WNT8A: variants seen among roughly 807,000 people sequenced by gnomAD.
WNT8A encodes the protein protein Wnt-8a.
Under a neutral mutation model 20.5 loss-of-function variants are expected in WNT8A, and 14 were observed. That is an observed-to-expected ratio of 0.68 (90% confidence interval 0.45 to 1.07). The LOEUF is 1.07. Ranked by LOEUF, WNT8A falls within the 50% of genes least tolerant of loss-of-function variation. The probability of loss-of-function intolerance (pLI) is 0.00; values close to 1 mark genes in which losing one functional copy is unlikely to be tolerated. For synonymous variants in WNT8A, 167 were observed against 169.2 expected (o/e 0.99, Z 0.10); for missense variants, 397 against 462.9 (o/e 0.86, Z 1.31).
chr5:138,079,290 T>G (rs1581350214), upstream of WNT8A, among the ~76,000 whole-genome samples: 1 of 147,574 alleles, frequency 6.8e-6, no homozygotes, highest in Non-Finnish European at 1.5e-5. Flanking sequence ...TTATATAAAC[T>G]TATAATTATA....
chr5:138,084,194 G>A lies in WNT8A; in HGVS notation c.67G>A (p.Gly23Ser). 6.2e-7 allele frequency: 1 copy of A among 1,614,088 alleles called. No homozygotes were observed. Among genetic ancestry groups the A allele is most frequent in the Non-Finnish European group, 8.5e-7 (1 of 1,180,028 alleles). The change falls in exon 1 of 5, where the codon GGC becomes AGC. Residue 23 changes from glycine (G) to serine (S), a missense_variant. Transcript: ENST00000506684. ...PFPTLTPCQG[G>S]PHCLIPIHLC... is the part of the protein sequence containing the mutation. ...CCCAACCCTCACTCCTTGCCAAGGA[G>A]GCCCCCATTGTCTCATCCCCATTCA...
At chr5:138,081,679 C>A (rs1750515557), upstream of WNT8A, among the ~76,000 whole-genome samples, 1 of 152,034 alleles carries the variant, frequency 6.6e-6, no homozygotes, top group Admixed American at 6.6e-5. Context: ...CACAAGCAAT[C>A]AAAGGAAGAG....
At chr5:138,088,389 C>T (rs961761918) in intron 3 of WNT8A, among the ~76,000 whole-genome samples, 1 of 148,832 alleles carries the variant, frequency 6.7e-6, no homozygotes, top group African/African-American at 2.5e-5. Context: ...TGGAGTCTCG[C>T]TCTGTCGACT....
At chr5:138,081,613 G>A (rs1350116620), upstream of WNT8A, among the ~76,000 whole-genome samples, 1 of 151,966 alleles carries the variant, frequency 6.6e-6, no homozygotes, top group Non-Finnish European at 1.5e-5. Flanking sequence ...TAACTCAGTG[G>A]GCTTTTCTCG....
chr5:138,091,517 C>T lies in WNT8A; in HGVS notation c.*444C>T. Reference sequence around the variant, plus strand: ...CAGACTTCTGAAGAGCAGCCTGTGGCTACAAATCTATGCTGATAAATGAGG... The same window carrying T: ...CAGACTTCTGAAGAGCAGCCTGTGGTTACAAATCTATGCTGATAAATGAGG... On this transcript the variant is annotated 3_prime_UTR_variant, in exon 5 of 5. Transcript: ENST00000506684. 1 of 1,323,336 alleles carries T rather than the reference C, an allele frequency of 7.6e-7. No homozygotes were observed. The highest frequency in any genetic ancestry group is 2.1e-4 in the Middle Eastern group (1 of 4,730). 82.0% of individuals were successfully genotyped at this position (1,323,336 alleles called of 1,614,324 possible). A position where few individuals can be genotyped will look rare whatever the true frequency, so the allele number is the denominator to read the frequency against.
the WNT8A span, among the ~76,000 whole-genome samples, chr5:138,077,794 A>G: frequency 6.6e-6 from 1 of 152,128 alleles, no homozygotes. Context: ...GTCTGATGGG[A>G]GAAACACGTC....
intron 2 of WNT8A, among the ~76,000 whole-genome samples, chr5:138,087,146 C>T (rs1172161359): frequency 6.9e-6 from 1 of 144,992 alleles, no homozygotes; most frequent in Non-Finnish European, 1.5e-5. Context: ...CACCTGAGAT[C>T]AGGAGTTCAA....
upstream of WNT8A, among the ~76,000 whole-genome samples, chr5:138,082,876 A>AAAATAAATAAATAAAT (rs61652264): frequency 6.5e-5 from 9 of 137,770 alleles, no homozygotes; most frequent in South Asian, 4.7e-4. Flanking sequence ...ACTCCATCTC[A>AAAATAAATAAATAAAT]AAATAAATAA....
upstream of WNT8A, among the ~76,000 whole-genome samples, chr5:138,082,876 AAAATAAATAAATAAAT>A (rs61652264): frequency 1.9e-3 from 259 of 137,816 alleles, 2 homozygotes; most frequent in African/African-American, 6.5e-3. Context: ...ACTCCATCTC[AAAATAAATAAATAAAT>A]AAATAAATAA....
chr5:138,080,343 G>A (rs1257661783), upstream of WNT8A, among the ~76,000 whole-genome samples: 7 of 137,690 alleles, frequency 5.1e-5, no homozygotes, highest in Non-Finnish European at 9.3e-5. Flanking sequence ...ACAAAAAACC[G>A]CACACACAAA....
At chr5:138,089,302 CT>C (rs768080837) in intron 4 of WNT8A, among the ~76,000 whole-genome samples, 57 of 152,218 alleles carry the variant, frequency 3.7e-4, no homozygotes, top group Non-Finnish European at 7.1e-4. Context: ...ACTGAGTCCT[CT>C]TGTCATTGTA....
chr5:138,089,923 A>G (rs1305180626), intron 4 of WNT8A, among the ~76,000 whole-genome samples: 1 of 152,178 alleles, frequency 6.6e-6, no homozygotes, highest in East Asian at 1.9e-4. Context: ...CAGCCTCCCA[A>G]CGTCTTGGAA....
At chr5:138,084,771 C>G (rs1369587551) in intron 2 of WNT8A, 135 bp downstream of exon 2, 1 of 1,236,532 alleles carries the variant, frequency 8.1e-7, no homozygotes, top group African/African-American at 1.5e-5. Flanking sequence ...CCTGCCATTT[C>G]CTTGCTGTGT....
intron 3 of WNT8A, among the ~76,000 whole-genome samples, chr5:138,088,458 G>A (rs1234810230): frequency 6.6e-6 from 1 of 150,752 alleles, no homozygotes; most frequent in Non-Finnish European, 1.5e-5. Context: ...CCAGGTTCAC[G>A]CCATTCTCCT....
chr5:138,082,916 T>TAAATAAATAAATA (rs1554086966), upstream of WNT8A, among the ~76,000 whole-genome samples: 51 of 142,286 alleles, frequency 3.6e-4, no homozygotes, highest in Non-Finnish European at 4.4e-4. Context: ...AATAAATAAA[T>TAAATAAATAAATA]AAATAAAATA....
upstream of WNT8A, among the ~76,000 whole-genome samples, chr5:138,082,347 A>C (rs1358797171): frequency 1.3e-5 from 2 of 150,820 alleles, no homozygotes; most frequent in Middle Eastern, 3.2e-3. Context: ...AGGAGGCCAA[A>C]GGCGTGTGGA....
At chr5:138,092,256 C>G (rs1750878122), downstream of WNT8A, 1 of 152,184 alleles carries the variant, frequency 6.6e-6, no homozygotes. Context: ...TATGCAACTC[C>G]CTTGATTTCA....
Position 138,090,651 on chromosome 5 carries a change from T to C in WNT8A, c.688T>C (p.Tyr230His), listed in dbSNP as rs1750814896. 1.2e-6 allele frequency: 2 copies of C among 1,614,188 alleles called. No individual in the cohort carries two copies. Among genetic ancestry groups the C allele is most frequent in the African/African-American group, 2.7e-5 (2 of 75,052 alleles). The stretch of plus-strand genomic sequence containing the variant: ...GATGGGAGACTACCTAAAGGCCAAG[T>C]ATGACCAGGCGCTGAAAATTGAAAT... The part of the protein sequence containing the change: ...REMGDYLKAK[Y>H]DQALKIEMDK... Residue 230 changes from tyrosine (Y) to histidine (H), a missense_variant, in exon 5 of 5, where the codon TAT (tyrosine) becomes CAT (histidine). Physicochemically the swap from Tyr to His is moderately conservative, Grantham distance 83. Coordinates refer to ENST00000506684, the MANE Select transcript of WNT8A (RefSeq NM_001300939.2).
At chr5:138,081,339 A>AT (rs911826678), upstream of WNT8A, among the ~76,000 whole-genome samples, 8 of 151,984 alleles carry the variant, frequency 5.3e-5, no homozygotes, top group African/African-American at 1.9e-4. Context: ...AAAAAAGAGT[A>AT]TTTTTTTGTA....
Sources: gnomAD v4.1 joint callset for allele counts (sites outside exome capture counted in the v4.1 genomes callset) on GRCh38, gnomAD v4.1.1 for gene constraint, MANE v1.5 for transcripts, NCBI Gene and HGNC (gene_info 2026-07-23, HGNC 2026-07-21) for gene names.